The following LRRTM4 variants were observed in gnomAD, a reference collection of about 807,000 sequenced individuals.
LRRTM4 encodes the protein leucine rich repeat transmembrane neuronal 4, also known as leucine-rich repeat transmembrane neuronal protein 4.
A neutral mutation model predicts 47.6 loss-of-function variants in LRRTM4; 25 were observed. The ratio of observed to expected loss-of-function variants is 0.53; its 90% CI spans 0.38 to 0.73. The LOEUF (loss-of-function observed/expected upper bound fraction) is 0.73. Ranked by LOEUF, LRRTM4 falls within the 30% of genes least tolerant of loss-of-function variation. The probability of loss-of-function intolerance (pLI) is 0.00; values close to 1 mark genes in which losing one functional copy is unlikely to be tolerated. For missense variants in LRRTM4, 638 were observed against 713.4 expected (o/e 0.89, Z 1.20); for synonymous variants, 311 against 269.5 (o/e 1.15, Z -1.51).
chr2:76,860,671 T>G (rs1018531971), intron 3 of LRRTM4, among the ~76,000 whole-genome samples: 3 of 152,088 alleles, frequency 2.0e-5, no homozygotes, highest in Non-Finnish European at 4.4e-5. Flanking sequence ...TTGCACTTCT[T>G]AATTCTGTAA....
chr2:77,451,040 T>C (rs1267953011), intron 3 of LRRTM4, among the ~76,000 whole-genome samples: 5 of 152,226 alleles, frequency 3.3e-5, no homozygotes, highest in African/African-American at 1.2e-4. Flanking sequence ...ACAGTTCATA[T>C]ACTTTCCCAT....
At chr2:76,899,185 A>T (rs994599336) in intron 3 of LRRTM4, among the ~76,000 whole-genome samples, 1 of 151,934 alleles carries the variant, frequency 6.6e-6, no homozygotes, top group African/African-American at 2.4e-5. Flanking sequence ...ATAAGAAAAA[A>T]CTTTAACAAT....
At chr2:77,213,718 A>C (rs1234462361) in intron 3 of LRRTM4, among the ~76,000 whole-genome samples, 1 of 152,128 alleles carries the variant, frequency 6.6e-6, no homozygotes, top group Non-Finnish European at 1.5e-5. Flanking sequence ...TGTGGAGCTA[A>C]TGGGATAGGT....
intron 3 of LRRTM4, among the ~76,000 whole-genome samples, chr2:77,168,079 G>A (rs1220773702): frequency 6.6e-6 from 1 of 151,864 alleles, no homozygotes; most frequent in East Asian, 1.9e-4. Flanking sequence ...CCTTACTTTG[G>A]GTGTTTGTGT....
intron 3 of LRRTM4, among the ~76,000 whole-genome samples, chr2:77,386,485 G>A (rs566810276): frequency 2.0e-5 from 3 of 152,246 alleles, no homozygotes; most frequent in African/African-American, 7.2e-5. Flanking sequence ...TCCATGGTGT[G>A]TATGTGCCAC....
intron 3 of LRRTM4, among the ~76,000 whole-genome samples, chr2:77,249,002 C>A (rs2104008920): frequency 6.6e-6 from 1 of 152,154 alleles, no homozygotes; most frequent in South Asian, 2.1e-4. Flanking sequence ...TTTTTAGGTA[C>A]AACACCACAA....
intron 3 of LRRTM4, among the ~76,000 whole-genome samples, chr2:76,987,872 T>C (rs888021102): frequency 2.0e-5 from 3 of 151,774 alleles, no homozygotes; most frequent in Non-Finnish European, 2.9e-5. Context: ...GGAAATATAG[T>C]CACCCATATG....
rs977579351 is a variant in LRRTM4, at chr2:76,979,841, T to G, written c.1552-230925A>C. Among the ~76,000 whole-genome samples, 3 of 151,980 alleles carry G rather than the reference T, an allele frequency of 2.0e-5. 1 individual carries two copies. The highest frequency in any genetic ancestry group is 2.0e-4 in the Admixed American group (3 of 15,222). ...GGAGTAATGAAGCAGTTTAGATTCC[T>G]ATCTGGTTTCCTGCCCATTATTCCA... On this transcript the variant is annotated intron_variant, in intron 3 of 3. Transcript: ENST00000409884.
At chr2:76,816,076 C>T (rs1032884099) in intron 3 of LRRTM4, among the ~76,000 whole-genome samples, 1 of 152,002 alleles carries the variant, frequency 6.6e-6, no homozygotes, top group African/African-American at 2.4e-5. Flanking sequence ...TGGGGGAGAT[C>T]AAATTCACAA....
At chr2:77,123,346 T>G (rs1370213622) in intron 3 of LRRTM4, among the ~76,000 whole-genome samples, 1 of 152,154 alleles carries the variant, frequency 6.6e-6, no homozygotes, top group African/African-American at 2.4e-5. Context: ...TTTAATTAAA[T>G]AATATTTCTT....
intron 3 of LRRTM4, among the ~76,000 whole-genome samples, chr2:76,950,307 C>G (rs539947562): frequency 1.3e-5 from 2 of 152,010 alleles, no homozygotes; most frequent in East Asian, 3.9e-4. Context: ...TCCTGGAAGG[C>G]GTATTTCCTA....
chr2:77,158,529 T>C (rs940840774), intron 3 of LRRTM4, among the ~76,000 whole-genome samples: 1 of 152,142 alleles, frequency 6.6e-6, no homozygotes, highest in Admixed American at 6.6e-5. Context: ...CACTGCCTAT[T>C]TTTTTACCTT....
At chr2:77,303,303 T>A (rs1558678240) in intron 3 of LRRTM4, among the ~76,000 whole-genome samples, 1 of 152,144 alleles carries the variant, frequency 6.6e-6, no homozygotes, top group Non-Finnish European at 1.5e-5. Flanking sequence ...TCCTTTCTTG[T>A]TTTCCAGAAT....
At chr2:76,924,150 AGTTAT>A (rs1195437244) in intron 3 of LRRTM4, among the ~76,000 whole-genome samples, 3 of 152,236 alleles carry the variant, frequency 2.0e-5, no homozygotes, top group African/African-American at 7.2e-5. Context: ...CTTTCTGAAA[AGTTAT>A]ATTATAAAAA....
rs1355709090 is a variant in LRRTM4, at chr2:76,806,480, C to T, written c.1552-57564G>A. On this transcript the variant is annotated intron_variant, in intron 3 of 3. Coordinates refer to ENST00000409884, the MANE Select transcript of LRRTM4 (RefSeq NM_001134745.3). ...CCTGTAATCCCAGCTACTTGGAAGG[C>T]TGATGAAGGAGAATTTCTTGAACCC... is the stretch of plus-strand genomic sequence containing the variant. 2.6e-5 allele frequency among the ~76,000 whole-genome samples: 4 copies of T among 152,090 alleles called. No individual in the cohort carries two copies. In the East Asian group the frequency reaches 7.7e-4, roughly 29 times the overall value.
chr2:77,083,972 T>C lies in LRRTM4; in HGVS notation c.1552-335056A>G, dbSNP rs376411219. 4.6e-5 allele frequency among the ~76,000 whole-genome samples: 7 copies of C among 151,546 alleles called. No individual in the cohort carries two copies. In the South Asian group the frequency reaches 1.2e-3, roughly 27 times the overall value. On this transcript the variant is annotated intron_variant, in intron 3 of 3. Transcript: ENST00000409884. Reference sequence around the variant, plus strand: ...GGCGCCCGCCACTGCGCCTGGCTAATTTTTTTATATTTTTAGTAGAGACGG... The same window carrying C: ...GGCGCCCGCCACTGCGCCTGGCTAACTTTTTTATATTTTTAGTAGAGACGG...
chr2:77,125,729 C>T (rs867861029), intron 3 of LRRTM4, among the ~76,000 whole-genome samples: 41 of 152,066 alleles, frequency 2.7e-4, no homozygotes, highest in African/African-American at 8.9e-4. Context: ...AATTTAACCT[C>T]ACCACTAGAA....
At chr2:77,421,733 C>T (rs1674901385) in intron 3 of LRRTM4, among the ~76,000 whole-genome samples, 1 of 151,910 alleles carries the variant, frequency 6.6e-6, no homozygotes, top group African/African-American at 2.4e-5. Flanking sequence ...AGTCCAGACA[C>T]GTGACTGAAT....
chr2:77,051,027 T>TAA (rs72351086), intron 3 of LRRTM4, among the ~76,000 whole-genome samples: 3 of 125,304 alleles, frequency 2.4e-5, no homozygotes, highest in African/African-American at 7.9e-5. Context: ...TTTTTTTTTT[T>TAA]TAAAATAGAT....
Sources: allele counts gnomAD v4.1 joint callset (sites outside exome capture counted in the v4.1 genomes callset), GRCh38; gene constraint gnomAD v4.1.1; transcripts MANE v1.5; gene names NCBI Gene and HGNC (gene_info 2026-07-23, HGNC 2026-07-21).